PRKN: variants seen among roughly 807,000 people sequenced by gnomAD.
PRKN encodes the protein parkin RBR E3 ubiquitin protein ligase.
A neutral mutation model predicts 59.5 loss-of-function variants in PRKN; 56 were observed. That is an observed-to-expected ratio of 0.94 (90% CI 0.76 to 1.18). The LOEUF is 1.18. Among genes scored for constraint, PRKN ranks in the 50% most tolerant of loss-of-function variants. The pLI is 0.00. For synonymous variants in PRKN, 250 were observed against 222.1 expected (o/e 1.13, Z -1.12); for missense variants, 657 against 596.4 (o/e 1.10, Z -1.06).
intron 2 of PRKN, among the ~76,000 whole-genome samples, chr6:162,271,950 G>T (rs1438190828): frequency 6.6e-6 from 1 of 152,122 alleles, no homozygotes; most frequent in East Asian, 1.9e-4. Context: ...CCCTTCTCTG[G>T]TTCCCAAAGG....
At chr6:161,625,497 G>A (rs1783051908) in intron 7 of PRKN, among the ~76,000 whole-genome samples, 1 of 152,072 alleles carries the variant, frequency 6.6e-6, no homozygotes, top group Non-Finnish European at 1.5e-5. Flanking sequence ...AACCAACATG[G>A]CACATGTACA....
chr6:162,336,657 C>G (rs1783859657), intron 2 of PRKN, among the ~76,000 whole-genome samples: 2 of 152,330 alleles, frequency 1.3e-5, no homozygotes, highest in Non-Finnish European at 2.9e-5. Context: ...GCCTAACTAG[C>G]TCAACACTTA....
rs955038865 is a variant in PRKN at position 161,750,118 on chromosome 6, T to TAC, written c.871+35652_871+35653dup. Among the ~76,000 whole-genome samples, 1,285 of 137,780 alleles carry TAC rather than the reference T, an allele frequency of 9.3e-3. 11 individuals are homozygous for TAC. The highest frequency in any genetic ancestry group is 0.054 in the South Asian group (216 of 3,994). 90.4% of individuals were successfully genotyped at this position (137,780 alleles called of 152,430 possible). The stretch of plus-strand genomic sequence containing the variant: ...TAGGACATATATATATATATATATA[T>TAC]ACACACACACACACACACACACACA... On this transcript the variant is annotated intron_variant, in intron 7 of 11. Transcript: ENST00000366898.
intron 1 of PRKN, among the ~76,000 whole-genome samples, chr6:162,630,731 T>C (rs1394224447): frequency 6.6e-6 from 1 of 152,120 alleles, no homozygotes. Context: ...TGTCCACATC[T>C]TCCCTTTCAC....
chr6:161,423,886 A>G lies in PRKN; in HGVS notation c.1084-37009T>C, dbSNP rs1788214051. The stretch of plus-strand genomic sequence containing the variant: ...TGAACACAGATCAGTTAAATGAATG[A>G]ATATGATCTTTACTATTAGGTTTCT... On this transcript the variant is annotated intron_variant, in intron 9 of 11. Transcript: ENST00000366898. The surrounding 1 kb of genome is among the most constrained non-coding windows in gnomAD (Gnocchi z 5.9). Among the ~76,000 whole-genome samples, 5 of 152,334 alleles carry G rather than the reference A, an allele frequency of 3.3e-5. No homozygotes were observed. The South Asian group carries it at 1.0e-3, about 32-fold the overall frequency.
intron 6 of PRKN, among the ~76,000 whole-genome samples, chr6:161,881,278 C>T (rs1432778902): frequency 2.0e-5 from 3 of 152,194 alleles, no homozygotes; most frequent in Non-Finnish European, 4.4e-5. Flanking sequence ...GAATCCAATC[C>T]GGGTTTGCCA....
intron 4 of PRKN, among the ~76,000 whole-genome samples, chr6:162,147,733 C>T (rs990715957): frequency 6.6e-5 from 10 of 152,112 alleles, no homozygotes; most frequent in African/African-American, 2.4e-4. Context: ...TAAAGTCATA[C>T]TCTTAAAAAC....
At position 162,501,843 on chromosome 6, in the gene PRKN, G is replaced by A. The variant is rs944912925; in HGVS notation, c.8-58370C>T. Among the ~76,000 whole-genome samples, 12 of 152,218 alleles carry A rather than the reference G, an allele frequency of 7.9e-5. 1 individual carries two copies. The South Asian group carries it at 1.0e-3, about 13-fold the overall frequency. Reference sequence around the variant, plus strand: ...AAGATAAGAAACAAAATGACAGCTCGCACCAAGTATTCACCCTTAGGCCAC... The same window carrying A: ...AAGATAAGAAACAAAATGACAGCTCACACCAAGTATTCACCCTTAGGCCAC... On this transcript the variant is annotated intron_variant, in intron 1 of 11. Transcript: ENST00000366898.
At chr6:162,476,146 C>T (rs1425055299) in intron 1 of PRKN, among the ~76,000 whole-genome samples, 1 of 151,620 alleles carries the variant, frequency 6.6e-6, no homozygotes, top group African/African-American at 2.4e-5. Flanking sequence ...CAACCTCCGC[C>T]TCTCGGTTTC....
intron 6 of PRKN, among the ~76,000 whole-genome samples, chr6:161,942,019 G>T (rs1404582870): frequency 2.0e-5 from 3 of 152,074 alleles, no homozygotes; most frequent in Admixed American, 6.6e-5. Flanking sequence ...AAGCATAAGT[G>T]GGTTCTTGCA....
At chr6:161,426,008 A>C (rs373657343) in intron 9 of PRKN, among the ~76,000 whole-genome samples, 1 of 152,082 alleles carries the variant, frequency 6.6e-6, no homozygotes, top group South Asian at 2.1e-4. Context: ...GTGTTCCCAC[A>C]CTGGATGTTC....
At chr6:162,622,713 T>C (rs182947943) in intron 1 of PRKN, among the ~76,000 whole-genome samples, 5 of 152,324 alleles carry the variant, frequency 3.3e-5, no homozygotes, top group East Asian at 1.9e-4. Flanking sequence ...TCATCTGCAC[T>C]GTGAAATACA....
intron 1 of PRKN, among the ~76,000 whole-genome samples, chr6:162,725,060 G>C (rs1779081954): frequency 6.6e-6 from 1 of 152,228 alleles, no homozygotes; most frequent in African/African-American, 2.4e-5. Context: ...TGTGAAGTGT[G>C]TATAAAAGTC....
intron 7 of PRKN, among the ~76,000 whole-genome samples, chr6:161,607,739 C>T (rs1212334597): frequency 2.6e-5 from 4 of 152,120 alleles, no homozygotes; most frequent in African/African-American, 9.7e-5. Flanking sequence ...AGAAAAATAT[C>T]AAATAATTAA....
chr6:161,877,890 C>T (rs543596053), intron 6 of PRKN, among the ~76,000 whole-genome samples: 1 of 152,164 alleles, frequency 6.6e-6, no homozygotes, highest in Non-Finnish European at 1.5e-5. Context: ...TAAATTCCCC[C>T]GTGTAGACAG....
At chr6:162,006,784 C>G (rs1782273783) in intron 5 of PRKN, among the ~76,000 whole-genome samples, 1 of 152,106 alleles carries the variant, frequency 6.6e-6, no homozygotes, top group Non-Finnish European at 1.5e-5. Context: ...TGATGACATC[C>G]CATACTGATC....
At chr6:162,684,487 G>A (rs894677893) in intron 1 of PRKN, among the ~76,000 whole-genome samples, 1 of 152,096 alleles carries the variant, frequency 6.6e-6, no homozygotes, top group Non-Finnish European at 1.5e-5. Context: ...CCCTAATACA[G>A]CATAAGTTGA....
chr6:162,015,168 G>A (rs1782887584), intron 5 of PRKN, among the ~76,000 whole-genome samples: 1 of 152,130 alleles, frequency 6.6e-6, no homozygotes, highest in Admixed American at 6.6e-5. Flanking sequence ...TGGTGGGGAA[G>A]GTTTCTTTGA....
At chr6:161,596,614 T>C (rs562968433) in intron 7 of PRKN, among the ~76,000 whole-genome samples, 31 of 152,238 alleles carry the variant, frequency 2.0e-4, no homozygotes, top group African/African-American at 7.2e-4. Flanking sequence ...CCTAGGAACA[T>C]TTAGCACACA....
Sources: allele counts gnomAD v4.1 joint callset (sites outside exome capture counted in the v4.1 genomes callset), GRCh38; gene constraint gnomAD v4.1.1; non-coding constraint Gnocchi (gnomAD v3.1); transcripts MANE v1.5; gene names NCBI Gene and HGNC (gene_info 2026-07-23, HGNC 2026-07-21).